CTSF: variants seen among roughly 807,000 people sequenced by gnomAD.
CTSF encodes cathepsin F.
In CTSF, 65 loss-of-function variants were observed where a neutral mutation model predicts 63.5. The observed-to-expected ratio is 1.02, with a 90% confidence interval of 0.84 to 1.26. CTSF has a LOEUF of 1.26. Ranked by LOEUF, CTSF falls within the 50% of genes most tolerant of loss-of-function variation. The pLI is 0.00. For synonymous variants in CTSF, 256 were observed against 258.1 expected (o/e 0.99, Z 0.08); for missense variants, 641 against 631.0 (o/e 1.02, Z -0.17).
intron 2 of CTSF, 96 bp from the exon 3 acceptor site, chr11:66,567,758 C>T (rs1857966111): frequency 4.0e-6 from 6 of 1,503,304 alleles, no homozygotes; most frequent in Non-Finnish European, 4.4e-6. Context: ...CAGATGAGAG[C>T]CACCCCTAAG....
rs780325681 is a variant in CTSF at position 66,566,171 on chromosome 11, C to A, written c.722-4G>T. On this transcript the variant is annotated splice_polypyrimidine_tract_variant and splice_region_variant and intron_variant, in intron 5 of 12. Transcript: ENST00000310325. The stretch of plus-strand genomic sequence containing the variant: ...TAGATAGTGCGGAACTCCTCCTCTG[C>A]GGGCAAAGGTGGGCAGGGCATGGGG... 1 of 1,613,970 alleles carries A rather than the reference C, an allele frequency of 6.2e-7. No individual in the cohort carries two copies. Among genetic ancestry groups the A allele is most frequent in the Admixed American group, 1.7e-5 (1 of 60,010 alleles).
chr11:66,565,602 A>G (rs942306652), intron 8 of CTSF, 69 bp downstream of exon 8: 25 of 1,594,414 alleles, frequency 1.6e-5, no homozygotes, highest in African/African-American at 2.7e-5. Context: ...TCTCCCCCCC[A>G]TTATGAAGTA....
intron 8 of CTSF, 76 bp downstream of exon 8, chr11:66,565,595 C>G (rs547731057): frequency 1.9e-5 from 30 of 1,572,148 alleles, no homozygotes; most frequent in Non-Finnish European, 8.7e-6. Flanking sequence ...GCTCATGTCT[C>G]CCCCCCATTA....
chr11:66,565,527 C>A, intron 8 of CTSF, 144 bp downstream of exon 8: 1 of 1,165,860 alleles, frequency 8.6e-7, no homozygotes, highest in Non-Finnish European at 1.2e-6. Flanking sequence ...CAGGCATGAG[C>A]CACCACGCCT....
In CTSF at chr11:66,568,333, G is replaced by A; in HGVS notation, c.154C>T (p.Arg52Cys). Reference sequence around the variant, plus strand: ...GCCCGCGTCCCCGCAGCCCGGCCGCGGTTGAACATCTCCAGCGCGAAGCGG... The same window carrying A: ...GCCCGCGTCCCCGCAGCCCGGCCGCAGTTGAACATCTCCAGCGCGAAGCGG... The part of the protein sequence containing the change: ...PTRFALEMFN[R>C]GRAAGTRAVL... Residue 52 changes from arginine to cysteine, a missense_variant, in exon 1 of 13, where the codon CGC (arginine) becomes TGC (cysteine). By Grantham distance (180) the Arg-to-Cys change is radical (BLOSUM62 -3). Coordinates refer to ENST00000310325, the MANE Select transcript of CTSF (RefSeq NM_003793.4). The A allele has an allele frequency of 2.3e-6, 3 of 1,313,056 alleles. No homozygotes were observed. Among genetic ancestry groups the A allele is most frequent in the Non-Finnish European group, 1.9e-6 (2 of 1,041,012 alleles). The allele number at this position is 1,313,056 out of a possible 1,614,324, so 81.3% of individuals were successfully genotyped here. A position where few individuals can be genotyped will look rare whatever the true frequency, so the allele number is the denominator to read the frequency against.
chr11:66,564,284 C>T, intron 11 of CTSF, 138 bp from the exon 12 acceptor site: 1 of 1,125,748 alleles, frequency 8.9e-7, no homozygotes, highest in Non-Finnish European at 1.3e-6. Flanking sequence ...GCGAGGGGCC[C>T]ACCTACCAGC....
Position 66,568,050 on chromosome 11 carries a change from G to T in CTSF, c.246C>A (p.Ala82=), listed in dbSNP as rs756262196. ...CGTTGCAGGGTGGCTCCTCCAGGGT[G>T]GCCTCCAGGGAGTACAGCGACCCCT... The part of the protein sequence containing the change: ...AGQGSLYSLE[A]TLEEPPCNDP... Residue 82 remains alanine, a synonymous_variant, in exon 2 of 13, where the codon GCC becomes GCA. Transcript: ENST00000310325. 5 of 1,602,918 alleles carry T rather than the reference G, an allele frequency of 3.1e-6. No individual in the cohort carries two copies. The Admixed American group carries it at 5.3e-5, about 17-fold the overall frequency.
Position 66,564,089 on chromosome 11 carries a change from T to C in CTSF, c.1379A>G (p.Lys460Arg). 6.2e-7 allele frequency: 1 copy of C among 1,613,678 alleles called. No individual in the cohort carries two copies. Among genetic ancestry groups the C allele is most frequent in the Non-Finnish European group, 8.5e-7 (1 of 1,179,864 alleles). Reference protein sequence around the residue: ...KNSWGTDWGEKGYYYLHRGSG... With the variant: ...KNSWGTDWGERGYYYLHRGSG... Reference sequence around the variant, plus strand: ...AGGGGCCAAGCCAGCAAGACTCACCTTCTCACCCCAGTCAGTGCCCCAGCT... The same window carrying C: ...AGGGGCCAAGCCAGCAAGACTCACCCTCTCACCCCAGTCAGTGCCCCAGCT... The change falls in exon 12 of 13, where the codon AAG (lysine) becomes AGG (arginine). Residue 460 changes from lysine (K) to arginine (R), a missense_variant and splice_region_variant. By Grantham distance (26) the Lys-to-Arg change is conservative (BLOSUM62 2). Coordinates refer to ENST00000310325, the MANE Select transcript of CTSF (RefSeq NM_003793.4).
intron 7 of CTSF, 39 bp downstream of exon 7, chr11:66,565,792 G>T: frequency 6.2e-7 from 1 of 1,613,894 alleles, no homozygotes; most frequent in East Asian, 2.2e-5. Context: ...CCTCCTGAGG[G>T]GCTAGGCTGG....
In CTSF at chr11:66,564,138, C is replaced by T. The variant is rs774367919; in HGVS notation, c.1330G>A (p.Val444Ile). The stretch of plus-strand genomic sequence containing the variant: ...CTGTTCTTGATGGCCCAAAAGGGAA[C>T]GTCAGAGCCTGGGGTGCAGTGCAGA... ...LLVGYGNRSD[V>I]PFWAIKNSWG... Residue 444 changes from valine (V) to isoleucine (I), a missense_variant, in exon 12 of 13, where the codon GTT (valine) becomes ATT (isoleucine). Transcript: ENST00000310325. 5.8e-5 allele frequency: 93 copies of T among 1,611,836 alleles called. No homozygotes were observed. The highest frequency in any genetic ancestry group is 1.4e-4 in the South Asian group (13 of 90,550).
chr11:66,567,251 T>C lies in CTSF; in HGVS notation c.602A>G (p.Lys201Arg). 1 of 1,614,198 alleles carries C rather than the reference T, an allele frequency of 6.2e-7. No individual in the cohort carries two copies. The highest frequency in any genetic ancestry group is 8.5e-7 in the Non-Finnish European group (1 of 1,180,030). ...AGCCAAGGCTGGGTCCTCACCTTCC[T>C]TTGACTCATATGTCCGGTTATAGGT... ...VITYNRTYES[K>R]EEARWRLSVF... The change falls in exon 4 of 13, where the codon AAG becomes AGG. Residue 201 changes from lysine (K) to arginine (R), a missense_variant. Transcript: ENST00000310325.
In CTSF at chr11:66,568,405, T is replaced by C; in HGVS notation, c.82A>G (p.Ser28Gly). The C allele has an allele frequency of 7.5e-7, 1 of 1,327,658 alleles. No individual in the cohort carries two copies. Among genetic ancestry groups the C allele is most frequent in the East Asian group, 3.1e-5 (1 of 32,048 alleles). 82.2% of individuals were successfully genotyped at this position (1,327,658 alleles called of 1,614,324 possible). A position where few individuals can be genotyped will look rare whatever the true frequency, so the allele number is the denominator to read the frequency against. Reference sequence around the variant, plus strand: ...GACGGCGGCCCCCAGGCCTGAAAGCTGGCGGCTCGGGGCTGGGCGGGGGCG... The same window carrying C: ...GACGGCGGCCCCCAGGCCTGAAAGCCGGCGGCTCGGGGCTGGGCGGGGGCG... ...VAAPAQPRAA[S>G]FQAWGPPSPE... The change falls in exon 1 of 13, where the codon AGC (serine) becomes GGC (glycine). Residue 28 changes from serine to glycine, a missense_variant. Coordinates refer to ENST00000310325, the MANE Select transcript of CTSF (RefSeq NM_003793.4).
chr11:66,564,243 T>A, intron 11 of CTSF, 97 bp from the exon 12 acceptor site: 1 of 1,411,958 alleles, frequency 7.1e-7, no homozygotes, highest in Admixed American at 2.0e-5. Context: ...CTGGGCCTAC[T>A]GTGTGACAGG....
At position 66,563,809 on chromosome 11, in the gene CTSF, A is replaced by G; in HGVS notation, c.*124T>C. 8.2e-7 allele frequency: 1 copy of G among 1,217,952 alleles called. No homozygotes were observed. The allele number at this position is 1,217,952 out of a possible 1,614,324, so 75.4% of individuals were successfully genotyped here. ...TGCCCCAGCCCAGTGCCCTCTGCTC[A>G]CCCTGAGGTACCCAGTGCCTTTCCC... On this transcript the variant is annotated 3_prime_UTR_variant, in exon 13 of 13. Coordinates refer to ENST00000310325, the MANE Select transcript of CTSF (RefSeq NM_003793.4).
At position 66,568,102 on chromosome 11, in the gene CTSF, A is replaced by C; in HGVS notation, c.214-20T>G. On this transcript the variant is annotated intron_variant, in intron 1 of 12. Transcript: ENST00000310325. The stretch of plus-strand genomic sequence containing the variant: ...ACCCGCCTGGAGAGAGGAGTAGGTG[A>C]GGCGGGCACAGTCGGCCCTTGACGG... 1 of 1,602,058 alleles carries C rather than the reference A, an allele frequency of 6.2e-7. No homozygotes were observed. The highest frequency in any genetic ancestry group is 8.5e-7 in the Non-Finnish European group (1 of 1,175,920).
Position 66,567,596 on chromosome 11 carries a change from C to T in CTSF, c.379G>A (p.Val127Met), listed in dbSNP as rs1227521688. 6.2e-7 allele frequency: 1 copy of T among 1,614,216 alleles called. No individual in the cohort carries two copies. Among genetic ancestry groups the T allele is most frequent in the Admixed American group, 1.7e-5 (1 of 60,028 alleles). Residue 127 changes from valine to methionine, a missense_variant, in exon 3 of 13, where the codon GTG becomes ATG. Coordinates refer to ENST00000310325, the MANE Select transcript of CTSF (RefSeq NM_003793.4). ...HVLLRKDCGP[V>M]DTKVPGAGEP... ...CCAGCACCTGGAACCTTGGTGTCCA[C>T]TGGGCCACAGTCCTTCCGCAGCAGC...
chr11:66,564,470 CCCT>C, intron 11 of CTSF, 85 bp downstream of exon 11: 1 of 1,208,226 alleles, frequency 8.3e-7, no homozygotes, highest in East Asian at 2.6e-5. Flanking sequence ...TAGGCATTCC[CCCT>C]ATTTCCCCTC....
In CTSF at chr11:66,565,831, C is replaced by G; in HGVS notation, c.964G>C (p.Glu322Gln). 6.2e-7 allele frequency: 1 copy of G among 1,613,952 alleles called. No homozygotes were observed. Among genetic ancestry groups the G allele is most frequent in the Non-Finnish European group, 8.5e-7 (1 of 1,180,026 alleles). Residue 322 changes from glutamate (E) to glutamine (Q), a missense_variant and splice_region_variant, in exon 7 of 13, where the codon GAG becomes CAG. Transcript: ENST00000310325. Reference sequence around the variant, plus strand: ...CAGAGGAGTAGAGCGAGATGCTCACCCTGTTCAGAGAGGGAGAGCAGGGTC... The same window carrying G: ...CAGAGGAGTAGAGCGAGATGCTCACGCTGTTCAGAGAGGGAGAGCAGGGTC... The part of the protein sequence containing the change: ...QGTLLSLSEQ[E>Q]LLDCDKMDKA...
Position 66,564,874 on chromosome 11 carries a change from G to A in CTSF, c.1165+13C>T, listed in dbSNP as rs1295115520. The stretch of plus-strand genomic sequence containing the variant: ...GCCCCACCTGACCTCACCTCACCCT[G>A]CCCCTCACTCACTCTGCTCGTTCTG... On this transcript the variant is annotated intron_variant, in intron 9 of 12. Coordinates refer to ENST00000310325, the MANE Select transcript of CTSF (RefSeq NM_003793.4). The A allele has an allele frequency of 6.2e-7, 1 of 1,613,524 alleles. No individual in the cohort carries two copies. Among genetic ancestry groups the A allele is most frequent in the Non-Finnish European group, 8.5e-7 (1 of 1,179,644 alleles).
Sources: gnomAD v4.1 joint callset for allele counts on GRCh38, gnomAD v4.1.1 for gene constraint, MANE v1.5 for transcripts, NCBI Gene and HGNC (gene_info 2026-07-23, HGNC 2026-07-21) for gene names.